The following DIAPH3 variants were observed in gnomAD, a reference collection of about 807,000 sequenced individuals.
DIAPH3 encodes the protein protein diaphanous homolog 3.
DIAPH3 carries 117 observed loss-of-function variants against 144.3 expected under a neutral mutation model. The observed-to-expected ratio is 0.81, with a 90% CI of 0.70 to 0.95. DIAPH3 has a LOEUF of 0.95. DIAPH3 is among the 40% of genes least tolerant of loss of function. DIAPH3 has a pLI of 0.00. For synonymous variants in DIAPH3, 519 were observed against 488.9 expected (o/e 1.06, Z -0.81); for missense variants, 1,421 against 1,412.7 (o/e 1.01, Z -0.09).
chr13:59,974,439 G>C lies in DIAPH3; in HGVS notation c.1563C>G (p.Thr521=). 2 of 1,607,582 alleles carry C rather than the reference G, an allele frequency of 1.2e-6. No individual in the cohort carries two copies. Among genetic ancestry groups the C allele is most frequent in the Non-Finnish European group, 1.7e-6 (2 of 1,178,216 alleles). The part of the protein sequence containing the change: ...ELYKKFEKEF[T]DHQETQAELQ... ...ATTCAGCCTGAGTTTCTTGGTGGTC[G>C]GTAAACTCTTTTTCAAACTGAAACA... The change falls in exon 15 of 28, where the codon ACC becomes ACG. Residue 521 remains threonine, a synonymous_variant. Transcript: ENST00000400324.
chr13:60,061,646 AC>A (rs1213962400), intron 4 of DIAPH3, among the ~76,000 whole-genome samples: 4 of 151,424 alleles, frequency 2.6e-5, no homozygotes, highest in Non-Finnish European at 4.4e-5. Flanking sequence ...TAAGAAGGAA[AC>A]TAAACACATC....
At chr13:59,680,121 A>G (rs1328596738) in intron 27 of DIAPH3, among the ~76,000 whole-genome samples, 2 of 152,194 alleles carry the variant, frequency 1.3e-5, no homozygotes, top group African/African-American at 4.8e-5. Context: ...ATGGTGGAGT[A>G]TATGAGGAAG....
chr13:59,728,583 T>G (rs1371922388), intron 27 of DIAPH3, among the ~76,000 whole-genome samples: 2 of 152,080 alleles, frequency 1.3e-5, no homozygotes, highest in Admixed American at 6.6e-5. Flanking sequence ...GGTATAATAA[T>G]GTATTACCTA....
intron 27 of DIAPH3, among the ~76,000 whole-genome samples, chr13:59,712,109 A>G (rs2034778394): frequency 6.6e-6 from 1 of 152,222 alleles, no homozygotes; most frequent in Non-Finnish European, 1.5e-5. Flanking sequence ...AGTCAAGAAA[A>G]GCATGTAAAT....
chr13:59,861,006 T>C (rs1409124171), intron 22 of DIAPH3, among the ~76,000 whole-genome samples: 2 of 152,000 alleles, frequency 1.3e-5, no homozygotes, highest in Non-Finnish European at 2.9e-5. Context: ...GATTTGGTAC[T>C]CAGGTAAGTA....
At chr13:59,971,366 A>G (rs1251637871) in intron 15 of DIAPH3, among the ~76,000 whole-genome samples, 1 of 152,288 alleles carries the variant, frequency 6.6e-6, no homozygotes, top group East Asian at 1.9e-4. Flanking sequence ...TCATAAAAAC[A>G]TAATTGCCAG....
At chr13:59,882,318 G>T (rs1298789020) in intron 20 of DIAPH3, among the ~76,000 whole-genome samples, 1 of 152,080 alleles carries the variant, frequency 6.6e-6, no homozygotes. Flanking sequence ...TCTAACTTCT[G>T]ACCTCAAGTG....
chr13:59,812,711 G>A (rs557512420), intron 24 of DIAPH3, among the ~76,000 whole-genome samples: 1 of 152,180 alleles, frequency 6.6e-6, no homozygotes, highest in South Asian at 2.1e-4. Context: ...GGAGACAGAA[G>A]GCCAGTATAA....
chr13:59,878,951 C>T (rs193154621), intron 21 of DIAPH3, among the ~76,000 whole-genome samples: 4 of 152,042 alleles, frequency 2.6e-5, no homozygotes, highest in Non-Finnish European at 5.9e-5. Context: ...TTTTGACGTT[C>T]CATTTCATTG....
rs1359073552 is a variant in DIAPH3 at position 59,916,264 on chromosome 13, G to C, written c.2171-15C>G. Reference sequence around the variant, plus strand: ...CAGGAAGATTGCTAAGAAGGAGAAAGAGAGAAAGGTTTATAATGAATAAGG... The same window carrying C: ...CAGGAAGATTGCTAAGAAGGAGAAACAGAGAAAGGTTTATAATGAATAAGG... On this transcript the variant is annotated splice_polypyrimidine_tract_variant and intron_variant, in intron 18 of 27. Coordinates refer to ENST00000400324, the MANE Select transcript of DIAPH3 (RefSeq NM_001042517.2). 3.1e-6 allele frequency: 5 copies of C among 1,597,038 alleles called. No individual in the cohort carries two copies. Among genetic ancestry groups the C allele is most frequent in the Non-Finnish European group, 4.3e-6 (5 of 1,164,936 alleles).
intron 27 of DIAPH3, among the ~76,000 whole-genome samples, chr13:59,672,952 T>C (rs2032456452): frequency 1.3e-5 from 2 of 152,230 alleles, no homozygotes; most frequent in Non-Finnish European, 1.5e-5. Flanking sequence ...GATGAAGAAC[T>C]TTATTTGCAG....
At chr13:59,724,254 T>A (rs2138930792) in intron 27 of DIAPH3, among the ~76,000 whole-genome samples, 1 of 152,370 alleles carries the variant, frequency 6.6e-6, no homozygotes, top group South Asian at 2.1e-4. Context: ...CTGACATTTC[T>A]ATGTTTTATT....
chr13:59,917,487 G>C (rs919420596), intron 18 of DIAPH3, among the ~76,000 whole-genome samples: 1 of 152,136 alleles, frequency 6.6e-6, no homozygotes, highest in Non-Finnish European at 1.5e-5. Context: ...AACACACACA[G>C]TTCTGAACCC....
intron 27 of DIAPH3, among the ~76,000 whole-genome samples, chr13:59,772,575 C>T (rs1020280153): frequency 5.3e-5 from 8 of 152,126 alleles, no homozygotes; most frequent in Middle Eastern, 3.4e-3. Flanking sequence ...ATGATTTATA[C>T]GTAATTGTAT....
intron 4 of DIAPH3, among the ~76,000 whole-genome samples, chr13:60,064,898 G>T (rs2056898062): frequency 6.6e-6 from 1 of 152,150 alleles, no homozygotes; most frequent in Non-Finnish European, 1.5e-5. Context: ...TCATTGTAGG[G>T]TTATTAACTT....
chr13:59,951,922 A>G (rs73212271), intron 17 of DIAPH3, among the ~76,000 whole-genome samples: 11,072 of 152,200 alleles, frequency 0.073, 457 homozygotes, highest in Admixed American at 0.11. Flanking sequence ...GTATTTATCC[A>G]AAAGAATTGA....
chr13:59,734,058 C>G (rs1057052418), intron 27 of DIAPH3, among the ~76,000 whole-genome samples: 4 of 152,220 alleles, frequency 2.6e-5, no homozygotes, highest in African/African-American at 9.6e-5. Context: ...ATGATATCAT[C>G]AGGAATTCTA....
intron 4 of DIAPH3, among the ~76,000 whole-genome samples, chr13:60,072,163 A>G (rs2057233579): frequency 6.6e-6 from 1 of 152,150 alleles, no homozygotes; most frequent in Non-Finnish European, 1.5e-5. Context: ...TCTCTTCTCG[A>G]TGCGCATCTG....
chr13:59,835,132 A>T lies in DIAPH3; in HGVS notation c.2863-1861T>A, dbSNP rs1051446583. Reference sequence around the variant, plus strand: ...ACTTCCATTAACATACTTTATAAGGATCAGCATCATTCAGTCCTATGTGTC... The same window carrying T: ...ACTTCCATTAACATACTTTATAAGGTTCAGCATCATTCAGTCCTATGTGTC... On this transcript the variant is annotated intron_variant, in intron 23 of 27. Transcript: ENST00000400324. Among the ~76,000 whole-genome samples, 15 of 151,924 alleles carry T rather than the reference A, an allele frequency of 9.9e-5. No homozygotes were observed. In the East Asian group the frequency reaches 2.9e-3, roughly 29 times the overall value.
Sources: allele counts gnomAD v4.1 joint callset (sites outside exome capture counted in the v4.1 genomes callset), GRCh38; gene constraint gnomAD v4.1.1; transcripts MANE v1.5; gene names NCBI Gene and HGNC (gene_info 2026-07-23, HGNC 2026-07-21).